CD3E: variants seen among roughly 807,000 people sequenced by gnomAD.
CD3E encodes CD3 epsilon subunit of T-cell receptor complex.
Under a neutral mutation model 34.7 loss-of-function variants are expected in CD3E, and 16 were observed. The observed-to-expected ratio is 0.46, with a 90% CI of 0.31 to 0.70. The LOEUF is 0.70. Ranked by LOEUF, CD3E falls within the 30% of genes least tolerant of loss-of-function variation. CD3E has a pLI of 0.05. For synonymous variants in CD3E, 70 were observed against 90.8 expected (o/e 0.77, Z 1.30); for missense variants, 223 against 253.9 (o/e 0.88, Z 0.83).
At chr11:118,310,116 T>C (rs1049010060) in intron 4 of CD3E, among the ~76,000 whole-genome samples, 1 of 152,280 alleles carries the variant, frequency 6.6e-6, no homozygotes, top group Non-Finnish European at 1.5e-5. Context: ...AGCACACATA[T>C]CTTTTTTTAA....
chr11:118,315,941 CCT>C lies in CD3E; in HGVS notation c.*404_*405del. 1 of 320,572 alleles carries C rather than the reference CCT, an allele frequency of 3.1e-6. No individual in the cohort carries two copies. The highest frequency in any genetic ancestry group is 2.9e-5 in the South Asian group (1 of 34,292). 19.9% of individuals were successfully genotyped at this position (320,572 alleles called of 1,614,324 possible). Reference sequence around the variant, plus strand: ...TTCTATCGCCGTCCCCTTTTGCAGCCCTCTCTGGGGATGGACTGGGTAAATGT... The same window carrying C: ...TTCTATCGCCGTCCCCTTTTGCAGCCCTCTGGGGATGGACTGGGTAAATGT... On this transcript the variant is annotated 3_prime_UTR_variant, in exon 9 of 9. Transcript: ENST00000361763.
rs200915775 is a variant in CD3E, at chr11:118,304,979, T to G, written c.27T>G (p.Val9=). 127 of 1,613,914 alleles carry G rather than the reference T, an allele frequency of 7.9e-5. No homozygotes were observed. Among genetic ancestry groups the G allele is most frequent in the Non-Finnish European group, 1.0e-4 (120 of 1,179,894 alleles). The part of the protein sequence containing the change: MQSGTHWR[V]LGLCLLSVGV... ...TGCAGTCGGGCACTCACTGGAGAGT[T>G]CTGGGCCTCTGCCTCTTATCAGGTG... The change falls in exon 2 of 9, where the codon GTT becomes GTG. Residue 9 remains valine, a synonymous_variant. Transcript: ENST00000361763.
At chr11:118,312,522 G>C in intron 5 of CD3E, 96 bp from the exon 6 acceptor site, 2 of 1,404,628 alleles carry the variant, frequency 1.4e-6, no homozygotes, top group Admixed American at 3.4e-5. Context: ...CTAGATGACA[G>C]ATGACTTCCT....
Position 118,304,747 on chromosome 11 carries a change from C to G in CD3E, c.-89C>G. ...TGGGGTTCAGAAACCCTCCTCCCCTCCCAGCCTCAGGTGCCTGCTTCAGAA... is the reference window on the plus strand; with the variant it reads ...TGGGGTTCAGAAACCCTCCTCCCCTGCCAGCCTCAGGTGCCTGCTTCAGAA... On this transcript the variant is annotated 5_prime_UTR_variant, in exon 1 of 9. Coordinates refer to ENST00000361763, the MANE Select transcript of CD3E (RefSeq NM_000733.4). The G allele has an allele frequency of 3.2e-6, 2 of 623,964 alleles. No homozygotes were observed. The allele number at this position is 623,964 out of a possible 1,614,324, so 38.7% of individuals were successfully genotyped here.
chr11:118,314,554 A>G (rs2134768857), intron 8 of CD3E, 60 bp downstream of exon 8: 1 of 1,496,060 alleles, frequency 6.7e-7, no homozygotes, highest in South Asian at 1.1e-5. Flanking sequence ...GGGGGGAAGG[A>G]AACAGATGGG....
At chr11:118,306,238 G>A (rs561641581) in intron 2 of CD3E, among the ~76,000 whole-genome samples, 4 of 152,248 alleles carry the variant, frequency 2.6e-5, no homozygotes, top group African/African-American at 7.2e-5. Flanking sequence ...GCTTACGCCT[G>A]TAAGCCCAGC....
intron 3 of CD3E, among the ~76,000 whole-genome samples, chr11:118,308,000 C>G (rs1298273288): frequency 1.3e-5 from 2 of 152,172 alleles, no homozygotes; most frequent in African/African-American, 2.4e-5. Context: ...GAAACCCCGT[C>G]TCTACTAAAA....
chr11:118,313,087 G>A (rs987657615), intron 6 of CD3E: 13 of 601,140 alleles, frequency 2.2e-5, no homozygotes, highest in African/African-American at 5.5e-5. Context: ...CAGTCTGTGC[G>A]AGATCTAAAA....
intron 2 of CD3E, 76 bp downstream of exon 2, chr11:118,305,077 A>G: frequency 9.4e-6 from 12 of 1,281,780 alleles, no homozygotes; most frequent in Non-Finnish European, 1.1e-5. Flanking sequence ...GGCACTGCCT[A>G]GTGGCACCAA....
At chr11:118,304,847 C>A in intron 1 of CD3E, 47 bp from the exon 2 acceptor site, 2 of 946,784 alleles carry the variant, frequency 2.1e-6, no homozygotes, top group Non-Finnish European at 3.5e-6. Flanking sequence ...GGGTCCTTAT[C>A]TCTAGCAGAT....
intron 2 of CD3E, 146 bp from the exon 3 acceptor site, chr11:118,307,142 G>T (rs1441543559): frequency 1.2e-5 from 8 of 665,422 alleles, no homozygotes; most frequent in Non-Finnish European, 1.9e-5. Flanking sequence ...CTGTTCTAGG[G>T]TGTAGAAATG....
intron 5 of CD3E, 142 bp downstream of exon 5, chr11:118,312,312 C>T: frequency 1.1e-6 from 1 of 880,114 alleles, no homozygotes. Flanking sequence ...TAGAAAGGTT[C>T]CAAATAGGGA....
intron 4 of CD3E, among the ~76,000 whole-genome samples, chr11:118,309,054 T>TAA (rs1419370299): frequency 6.6e-6 from 1 of 152,170 alleles, no homozygotes; most frequent in Non-Finnish European, 1.5e-5. Flanking sequence ...GCAGAAGAGA[T>TAA]AAAGCTGTAT....
intron 8 of CD3E, among the ~76,000 whole-genome samples, chr11:118,314,948 TAC>T (rs1333795193): frequency 5.4e-5 from 6 of 110,120 alleles, no homozygotes; most frequent in Admixed American, 1.1e-4. Context: ...AACCCACCCT[TAC>T]ACACACACAT....
intron 2 of CD3E, 105 bp downstream of exon 2, chr11:118,305,106 T>C: frequency 9.8e-7 from 1 of 1,018,630 alleles, no homozygotes; most frequent in Non-Finnish European, 1.6e-6. Flanking sequence ...ATTTACCAGA[T>C]GTAAGGAACT....
intron 5 of CD3E, 83 bp downstream of exon 5, chr11:118,312,253 T>G: frequency 8.4e-7 from 1 of 1,195,794 alleles, no homozygotes. Flanking sequence ...TGAGAGAGAT[T>G]AACCCCAAGA....
rs760607645 is a variant in CD3E, at chr11:118,314,543, A to AG, written c.567+55dup. ...AGGACGCTGGAGGGGATGTCCCTCCAGGGGGGAAGGAAACAGATGGGATGG... is the reference window on the plus strand; with the variant it reads ...AGGACGCTGGAGGGGATGTCCCTCCAGGGGGGGAAGGAAACAGATGGGATGG... On this transcript the variant is annotated intron_variant, in intron 8 of 8. Transcript: ENST00000361763. The AG allele has an allele frequency of 2.4e-5, 37 of 1,554,584 alleles. No individual in the cohort carries two copies. The East Asian group carries it at 6.3e-4, about 26-fold the overall frequency.
At chr11:118,305,092 C>A in intron 2 of CD3E, 91 bp downstream of exon 2, 1 of 1,116,286 alleles carries the variant, frequency 9.0e-7, no homozygotes, top group Non-Finnish European at 1.4e-6. Context: ...CACCAAGGAG[C>A]CTCATTTACC....
intron 3 of CD3E, among the ~76,000 whole-genome samples, chr11:118,307,532 G>C (rs140281736): frequency 5.9e-5 from 9 of 152,242 alleles, no homozygotes; most frequent in African/African-American, 2.2e-4. Context: ...CCATACAAAA[G>C]AAAAATTGAG....
Sources: gnomAD v4.1 joint callset for allele counts (sites outside exome capture counted in the v4.1 genomes callset) on GRCh38, gnomAD v4.1.1 for gene constraint, MANE v1.5 for transcripts, NCBI Gene and HGNC (gene_info 2026-07-23, HGNC 2026-07-21) for gene names.